Variants in ABCG8 observed in about 807,000 individuals in gnomAD.
The protein encoded by ABCG8 is ATP-binding cassette sub-family G member 8.
A neutral mutation model predicts 71.3 loss-of-function variants in ABCG8; 81 were observed. That is an observed-to-expected ratio of 1.14 (90% CI 0.95 to 1.37). ABCG8 has a LOEUF of 1.37. Ranked by LOEUF, ABCG8 falls within the 40% of genes most tolerant of loss-of-function variation. ABCG8 has a pLI of 0.00. For missense variants in ABCG8, 1,119 were observed against 866.2 expected (o/e 1.29, Z -3.66); for synonymous variants, 451 against 354.7 (o/e 1.27, Z -3.05).
At position 43,851,480 on chromosome 2, in the gene ABCG8, G is replaced by A. The variant is rs960202687; in HGVS notation, c.323-104G>A. On this transcript the variant is annotated intron_variant, in intron 3 of 12. Coordinates refer to ENST00000272286, the MANE Select transcript of ABCG8 (RefSeq NM_022437.3). ...CTCTAGGGGCTGGTCACATCTGCAC[G>A]GACAGAGTAGTCCGGGGTCCTGGAG... 103 of 1,326,822 alleles carry A rather than the reference G, an allele frequency of 7.8e-5. No individual in the cohort carries two copies. The African/African-American group carries it at 9.2e-4, about 12-fold the overall frequency. The allele number at this position is 1,326,822 out of a possible 1,614,324, so 82.2% of individuals were successfully genotyped here. A position where few individuals can be genotyped will look rare whatever the true frequency, so the allele number is the denominator to read the frequency against.
chr2:43,878,023 G>A lies in ABCG8; in HGVS notation c.*110G>A, dbSNP rs1207584256. ...CAGTGAGGACAATGACCCTACAGATGCTCAGCTACATCCGGCCCAGGGTGC... is the reference window on the plus strand; with the variant it reads ...CAGTGAGGACAATGACCCTACAGATACTCAGCTACATCCGGCCCAGGGTGC... On this transcript the variant is annotated 3_prime_UTR_variant, in exon 13 of 13. Coordinates refer to ENST00000272286, the MANE Select transcript of ABCG8 (RefSeq NM_022437.3). The A allele has an allele frequency of 7.2e-6, 11 of 1,519,784 alleles. No individual in the cohort carries two copies. Among genetic ancestry groups the A allele is most frequent in the Non-Finnish European group, 9.9e-6 (11 of 1,110,554 alleles). The allele number at this position is 1,519,784 out of a possible 1,614,324, so 94.1% of individuals were successfully genotyped here.
At chr2:43,857,530 G>T (rs1191742184) in intron 6 of ABCG8, among the ~76,000 whole-genome samples, 2 of 151,004 alleles carry the variant, frequency 1.3e-5, no homozygotes, top group Admixed American at 1.3e-4. Context: ...TATATGGAAA[G>T]AATTCTCAAC....
intron 6 of ABCG8, among the ~76,000 whole-genome samples, chr2:43,862,482 C>T (rs796669510): frequency 1.3e-5 from 2 of 151,176 alleles, no homozygotes; most frequent in Non-Finnish European, 3.0e-5. Flanking sequence ...ATAGAATTCT[C>T]GCTATCTGTC....
At chr2:43,871,195 G>A (rs115879565) in intron 6 of ABCG8, among the ~76,000 whole-genome samples, 6,479 of 146,370 alleles carry the variant, frequency 0.044, 194 homozygotes, top group Middle Eastern at 0.081. Flanking sequence ...CATCTGGATT[G>A]AACTCTCACT....
At position 43,873,861 on chromosome 2, in the gene ABCG8, T is replaced by C; in HGVS notation, c.1286T>C (p.Met429Thr). Residue 429 changes from methionine to threonine, a missense_variant, in exon 9 of 13, where the codon ATG (methionine) becomes ACG (threonine). Met to Thr is a moderately conservative substitution (Grantham distance 81). Coordinates refer to ENST00000272286, the MANE Select transcript of ABCG8 (RefSeq NM_022437.3). Reference protein sequence around the residue: ...IHGAEACLMSMTIGFLYFGHG... With the variant: ...IHGAEACLMSTTIGFLYFGHG... ...GGGGCGGAGGCCTGTCTGATGTCAA[T>C]GACCATCGGCTTCCTCTATTTTGGC... 1.2e-6 allele frequency: 2 copies of C among 1,614,166 alleles called. No homozygotes were observed. The highest frequency in any genetic ancestry group is 1.7e-6 in the Non-Finnish European group (2 of 1,180,030).
intron 1 of ABCG8, among the ~76,000 whole-genome samples, chr2:43,843,788 C>G (rs1668653253): frequency 6.6e-6 from 1 of 152,128 alleles, no homozygotes. Flanking sequence ...CAGCCGACAC[C>G]ATGAAACATT....
intron 3 of ABCG8, among the ~76,000 whole-genome samples, chr2:43,849,601 G>T (rs1668852000): frequency 6.6e-6 from 1 of 152,088 alleles, no homozygotes; most frequent in African/African-American, 2.4e-5. Flanking sequence ...GATGCCACAG[G>T]CATCCTCCAT....
chr2:43,868,319 C>G (rs1035586229), intron 6 of ABCG8, among the ~76,000 whole-genome samples: 11 of 145,286 alleles, frequency 7.6e-5, no homozygotes, highest in Admixed American at 6.7e-4. Flanking sequence ...GGATAAAACT[C>G]TCACTATCTG....
rs1379537396 is a variant in ABCG8, at chr2:43,878,994, C to T, written c.*1081C>T. ...TACCCTGTGAAGAGGAGCCTTCCAC[C>T]ACGACTGCAAGTTTCCTGAGGCTGC... On this transcript the variant is annotated 3_prime_UTR_variant, in exon 13 of 13. Transcript: ENST00000272286. 6.6e-6 allele frequency: 1 copy of T among 152,256 alleles called. No individual in the cohort carries two copies. Among genetic ancestry groups the T allele is most frequent in the Non-Finnish European group, 1.5e-5 (1 of 68,084 alleles). 9.4% of individuals were successfully genotyped at this position (152,256 alleles called of 1,614,324 possible).
At chr2:43,866,127 A>G in intron 6 of ABCG8, among the ~76,000 whole-genome samples, 1 of 152,090 alleles carries the variant, frequency 6.6e-6, no homozygotes, top group Non-Finnish European at 1.5e-5. Context: ...GGTGCTGGGA[A>G]AACTGGCTAG....
intron 2 of ABCG8, among the ~76,000 whole-genome samples, chr2:43,845,760 T>C (rs1668724107): frequency 6.6e-6 from 1 of 152,184 alleles, no homozygotes; most frequent in Non-Finnish European, 1.5e-5. Context: ...TAGCTGGGAT[T>C]ACAGGCAACC....
chr2:43,861,101 G>A (rs1226940980), intron 6 of ABCG8, among the ~76,000 whole-genome samples: 3 of 150,978 alleles, frequency 2.0e-5, no homozygotes, highest in Non-Finnish European at 4.5e-5. Flanking sequence ...TCACCATCTG[G>A]GTAGAATTCT....
At chr2:43,874,703 T>G (rs1174060469) in intron 10 of ABCG8, among the ~76,000 whole-genome samples, 1 of 152,096 alleles carries the variant, frequency 6.6e-6, no homozygotes, top group Non-Finnish European at 1.5e-5. Context: ...CCAGGAATGA[T>G]AGTTTTCTGG....
Position 43,880,879 on chromosome 2 carries a change from T to G in ABCG8, c.*2966T>G. On this transcript the variant is annotated 3_prime_UTR_variant, in exon 13 of 13. Coordinates refer to ENST00000272286, the MANE Select transcript of ABCG8 (RefSeq NM_022437.3). ...CTCCCATCTACACTGCCACGCCTTC[T>G]CCTGTATGGACGTCCTGCCTACCCT... 1.4e-5 allele frequency: 2 copies of G among 146,898 alleles called. No individual in the cohort carries two copies. The highest frequency in any genetic ancestry group is 4.9e-5 in the African/African-American group (2 of 41,150). The allele number at this position is 146,898 out of a possible 1,614,324, so 9.1% of individuals were successfully genotyped here. A position where few individuals can be genotyped will look rare whatever the true frequency, so the allele number is the denominator to read the frequency against.
chr2:43,874,346 A>G (rs1572866355), intron 9 of ABCG8, 61 bp from the exon 10 acceptor site: 3 of 1,331,130 alleles, frequency 2.3e-6, no homozygotes, highest in East Asian at 2.3e-5. Flanking sequence ...AGTCTCCAAA[A>G]CAGAAGCACT....
At chr2:43,865,479 C>A (rs114553753) in intron 6 of ABCG8, among the ~76,000 whole-genome samples, 7,925 of 150,676 alleles carry the variant, frequency 0.053, 250 homozygotes, top group Middle Eastern at 0.12. Flanking sequence ...CTCTGCATAG[C>A]ACTCTCACTA....
chr2:43,864,507 G>A (rs1016278699), intron 6 of ABCG8, among the ~76,000 whole-genome samples: 3 of 150,384 alleles, frequency 2.0e-5, no homozygotes, highest in African/African-American at 7.3e-5. Flanking sequence ...TCACCCTCTG[G>A]ATAGATCTCT....
At chr2:43,839,929 G>T (rs1412525838) in intron 1 of ABCG8, among the ~76,000 whole-genome samples, 6 of 152,202 alleles carry the variant, frequency 3.9e-5, no homozygotes, top group African/African-American at 1.4e-4. Context: ...AAGCTGGAAG[G>T]AGTAGAAGCA....
chr2:43,868,856 A>G (rs762024488), intron 6 of ABCG8, among the ~76,000 whole-genome samples: 2 of 149,964 alleles, frequency 1.3e-5, no homozygotes, highest in Non-Finnish European at 3.0e-5. Context: ...AACTCTCACA[A>G]TCTTTCAGAT....
Sources: gnomAD v4.1 joint callset for allele counts (sites outside exome capture counted in the v4.1 genomes callset) on GRCh38, gnomAD v4.1.1 for gene constraint, MANE v1.5 for transcripts, NCBI Gene and HGNC (gene_info 2026-07-23, HGNC 2026-07-21) for gene names.